Variants in DISC1 observed in about 807,000 individuals in gnomAD.
DISC1 encodes the protein disrupted in schizophrenia 1 protein.
DISC1 carries 57 observed loss-of-function variants against 84.5 expected under a neutral mutation model. The observed-to-expected ratio is 0.67, with a 90% confidence interval of 0.55 to 0.84. The LOEUF (loss-of-function observed/expected upper bound fraction) is 0.84. Among genes scored for constraint, DISC1 ranks in the 40% least tolerant of loss-of-function variants. DISC1 has a pLI of 0.00. For synonymous variants in DISC1, 411 were observed against 415.2 expected (o/e 0.99, Z 0.12); for missense variants, 1,000 against 1,057.8 (o/e 0.95, Z 0.76).
chr1:231,639,975 A>G (rs941227373), intron 1 of DISC1, among the ~76,000 whole-genome samples: 1 of 152,212 alleles, frequency 6.6e-6, no homozygotes, highest in African/African-American at 2.4e-5. Flanking sequence ...TTCTACAGCA[A>G]AACAGATGCT....
intron 10 of DISC1, among the ~76,000 whole-genome samples, chr1:231,963,049 G>A (rs1172117467): frequency 6.6e-6 from 1 of 152,176 alleles, no homozygotes; most frequent in African/African-American, 2.4e-5. Context: ...TTCTCCAGGT[G>A]GTTTTGAGTA....
At chr1:231,918,530 A>C (rs142368269) in intron 9 of DISC1, among the ~76,000 whole-genome samples, 2,639 of 152,348 alleles carry the variant, frequency 0.017, 39 homozygotes, top group Middle Eastern at 0.024. Flanking sequence ...CTGTGTGCAT[A>C]CAACATGTCT....
chr1:231,695,221 T>A (rs942399784), intron 2 of DISC1, among the ~76,000 whole-genome samples: 1 of 152,212 alleles, frequency 6.6e-6, no homozygotes, highest in Admixed American at 6.5e-5. Context: ...TTCATCCGCT[T>A]CACTCATTCC....
intron 3 of DISC1, among the ~76,000 whole-genome samples, chr1:231,743,820 C>T (rs1343393804): frequency 2.0e-5 from 3 of 152,190 alleles, no homozygotes; most frequent in Non-Finnish European, 4.4e-5. Flanking sequence ...TGCTTAGTTT[C>T]CGGCTATAGG....
At position 231,860,035 on chromosome 1, in the gene DISC1, A is replaced by G. The variant is rs143644007; in HGVS notation, c.1981+41518A>G. On this transcript the variant is annotated intron_variant, in intron 9 of 12. Coordinates refer to ENST00000439617, the MANE Select transcript of DISC1 (RefSeq NM_018662.3). Reference sequence around the variant, plus strand: ...GAAGGAGATTAAATGTAATGCTTTAATGTGGATTTAGGTAGAGATCTTGTA... The same window carrying G: ...GAAGGAGATTAAATGTAATGCTTTAGTGTGGATTTAGGTAGAGATCTTGTA... 8.0e-3 allele frequency among the ~76,000 whole-genome samples: 1,212 copies of G among 152,336 alleles called. 4 individuals are homozygous for G. Among genetic ancestry groups the G allele is most frequent in the Admixed American group, 0.01 (159 of 15,292 alleles).
chr1:231,833,158 A>C (rs1005106471), intron 9 of DISC1, among the ~76,000 whole-genome samples: 42 of 150,510 alleles, frequency 2.8e-4, no homozygotes, highest in Non-Finnish European at 5.2e-4. Flanking sequence ...GAAGCAGATA[A>C]TTTAGTTAAA....
intron 1 of DISC1, among the ~76,000 whole-genome samples, chr1:231,649,917 A>G (rs1043374412): frequency 7.9e-5 from 12 of 152,114 alleles, no homozygotes; most frequent in Non-Finnish European, 1.8e-4. Context: ...TTTGCTTGGT[A>G]GATCTTCCTC....
chr1:232,003,355 T>G (rs1666954747), intron 10 of DISC1, among the ~76,000 whole-genome samples: 1 of 152,144 alleles, frequency 6.6e-6, no homozygotes, highest in Non-Finnish European at 1.5e-5. Flanking sequence ...ATTTAGGCTT[T>G]AAGGCTAAAA....
intron 10 of DISC1, among the ~76,000 whole-genome samples, chr1:231,986,646 G>A (rs981405790): frequency 7.2e-5 from 11 of 152,166 alleles, no homozygotes; most frequent in African/African-American, 2.7e-4. Context: ...CCTTGAAAAT[G>A]AGTTTCCTAA....
At chr1:231,671,409 A>G (rs931853249) in intron 1 of DISC1, among the ~76,000 whole-genome samples, 1 of 152,038 alleles carries the variant, frequency 6.6e-6, no homozygotes, top group Non-Finnish European at 1.5e-5. Flanking sequence ...AGATGGCTTC[A>G]TATTATGAAT....
chr1:231,886,818 T>C (rs1281158378), intron 9 of DISC1, among the ~76,000 whole-genome samples: 2 of 145,336 alleles, frequency 1.4e-5, no homozygotes, highest in Non-Finnish European at 1.5e-5. Context: ...TTTCTTTCTT[T>C]CTTTCTTTCT....
intron 1 of DISC1, among the ~76,000 whole-genome samples, chr1:231,641,238 G>A (rs560040654): frequency 1.3e-5 from 2 of 152,194 alleles, no homozygotes; most frequent in East Asian, 3.9e-4. Flanking sequence ...GGACCCTCGC[G>A]GTGAGTGTTA....
chr1:231,944,083 G>A (rs1233322804), intron 9 of DISC1: 1 of 152,186 alleles, frequency 6.6e-6, no homozygotes, highest in East Asian at 1.9e-4. Flanking sequence ...TAGAATGCTT[G>A]AATTCCTTGG....
chr1:232,014,592 G>A (rs978850746), intron 11 of DISC1, among the ~76,000 whole-genome samples: 15 of 152,202 alleles, frequency 9.9e-5, no homozygotes, highest in Non-Finnish European at 1.6e-4. Flanking sequence ...TGATGCATGC[G>A]TATTTTAAAC....
chr1:231,641,920 G>T (rs994193746), intron 1 of DISC1, among the ~76,000 whole-genome samples: 2 of 152,234 alleles, frequency 1.3e-5, no homozygotes, highest in Non-Finnish European at 2.9e-5. Flanking sequence ...TACAGGTGGA[G>T]CTGCCTGCCA....
chr1:231,807,182 C>T (rs921092881), intron 8 of DISC1, among the ~76,000 whole-genome samples: 1 of 152,358 alleles, frequency 6.6e-6, no homozygotes, highest in Non-Finnish European at 1.5e-5. Flanking sequence ...TATATTGGGC[C>T]CTACCTCTAT....
intron 10 of DISC1, among the ~76,000 whole-genome samples, chr1:231,969,605 T>G (rs962646168): frequency 6.6e-6 from 1 of 151,662 alleles, no homozygotes; most frequent in Non-Finnish European, 1.5e-5. Flanking sequence ...TTTCTTTTTT[T>G]TTTTTTTATT....
rs151037026 is a variant in DISC1 at position 231,784,188 on chromosome 1, G to A, written c.1635-11054G>A. ...TGAGGCAGTACAATCGCTTGAACCC[G>A]GGAGGCAGAGGTTGCAGTAAACCGA... On this transcript the variant is annotated intron_variant, in intron 6 of 12. Coordinates refer to ENST00000439617, the MANE Select transcript of DISC1 (RefSeq NM_018662.3). 3.4e-3 allele frequency among the ~76,000 whole-genome samples: 519 copies of A among 151,880 alleles called. 6 individuals carry two copies. Among genetic ancestry groups the A allele is most frequent in the East Asian group, 0.031 (160 of 5,148 alleles).
At chr1:231,850,161 A>G (rs552396798) in intron 9 of DISC1, among the ~76,000 whole-genome samples, 1 of 152,296 alleles carries the variant, frequency 6.6e-6, no homozygotes, top group East Asian at 1.9e-4. Flanking sequence ...GGACTGCATA[A>G]TTGGTGCATG....
Sources: gnomAD v4.1 joint callset for allele counts (sites outside exome capture counted in the v4.1 genomes callset) on GRCh38, gnomAD v4.1.1 for gene constraint, MANE v1.5 for transcripts, NCBI Gene and HGNC (gene_info 2026-07-23, HGNC 2026-07-21) for gene names.